Variants in KIAA1549 observed in about 807,000 individuals in gnomAD.
The protein encoded by KIAA1549 is UPF0606 protein KIAA1549.
Under a neutral mutation model 156.4 loss-of-function variants are expected in KIAA1549, and 70 were observed. The observed-to-expected ratio is 0.45, with a 90% CI of 0.37 to 0.55. The LOEUF is 0.55. KIAA1549 is among the 20% of genes least tolerant of loss of function. The pLI is 0.00. For missense variants in KIAA1549, 2,428 were observed against 2,540.9 expected (o/e 0.96, Z 0.96); for synonymous variants, 1,103 against 1,066.4 (o/e 1.03, Z -0.67).
At chr7:138,875,805 T>C (rs971214135) in intron 12 of KIAA1549, among the ~76,000 whole-genome samples, 2 of 152,112 alleles carry the variant, frequency 1.3e-5, no homozygotes, top group Non-Finnish European at 2.9e-5. Flanking sequence ...ACCACTTTTT[T>C]TGTCCCCCGA....
chr7:138,950,953 C>T (rs1813479311), intron 1 of KIAA1549, among the ~76,000 whole-genome samples: 1 of 152,002 alleles, frequency 6.6e-6, no homozygotes, highest in South Asian at 2.1e-4. Context: ...CCACCTCGCC[C>T]TCACCTCGGC....
Position 138,918,895 on chromosome 7 carries a change from G to T in KIAA1549, c.731C>A (p.Pro244Gln). The change falls in exon 2 of 20, where the codon CCA (proline) becomes CAA (glutamine). Residue 244 changes from proline to glutamine, a missense_variant. By Grantham distance (76) the Pro-to-Gln change is moderately conservative (BLOSUM62 -1). Around this residue, in one of 5 missense-constraint regions of KIAA1549, gnomAD observed 893 missense variants for 847.9 expected, o/e 1.05. Transcript: ENST00000422774. This position sits in a 1 kb window ranked among gnomAD's most constrained non-coding sequence, Gnocchi z 4.2. ...SAFRTSEGIV[P>Q]TPGRNLVLYP... ...AAGCACCAAATTCCTGCCAGGAGTT[G>T]GAACGATGCCCTCAGAGGTGCGAAA... 6.2e-7 allele frequency: 1 copy of T among 1,614,038 alleles called. No homozygotes were observed. The highest frequency in any genetic ancestry group is 8.5e-7 in the Non-Finnish European group (1 of 1,179,906).
At chr7:138,962,642 C>A (rs1813888782) in intron 1 of KIAA1549, among the ~76,000 whole-genome samples, 1 of 152,184 alleles carries the variant, frequency 6.6e-6, no homozygotes, top group South Asian at 2.1e-4. Flanking sequence ...CAGCCTCAGC[C>A]TTCCAGCCCA....
chr7:138,899,960 G>T (rs535479429), intron 8 of KIAA1549, among the ~76,000 whole-genome samples: 1 of 152,114 alleles, frequency 6.6e-6, no homozygotes, highest in Admixed American at 6.6e-5. Flanking sequence ...ATGCAACAAT[G>T]TGATTACCCC....
chr7:138,929,380 T>TGA (rs144868033), intron 1 of KIAA1549, among the ~76,000 whole-genome samples: 5,574 of 152,358 alleles, frequency 0.037, 128 homozygotes, highest in African/African-American at 0.049. Flanking sequence ...AGTTTGACCA[T>TGA]GAGTGCTGCA....
intron 1 of KIAA1549, among the ~76,000 whole-genome samples, chr7:138,946,171 T>C (rs1304953608): frequency 6.6e-6 from 1 of 151,276 alleles, no homozygotes. Flanking sequence ...AGTCGCATAA[T>C]ATATTATGTT....
intron 17 of KIAA1549, among the ~76,000 whole-genome samples, chr7:138,847,859 T>C (rs1173157243): frequency 6.6e-6 from 1 of 152,226 alleles, no homozygotes; most frequent in Admixed American, 6.5e-5. Flanking sequence ...AAATACTGAG[T>C]TGTCCAATCT....
At chr7:138,980,254 C>T (rs145500862) in intron 1 of KIAA1549, among the ~76,000 whole-genome samples, 1 of 152,354 alleles carries the variant, frequency 6.6e-6, no homozygotes, top group Non-Finnish European at 1.5e-5. Context: ...AGCTCAGAGA[C>T]GGTTTCCAGA....
At chr7:138,845,811 T>G (rs1210727238) in intron 17 of KIAA1549, among the ~76,000 whole-genome samples, 1 of 152,246 alleles carries the variant, frequency 6.6e-6, no homozygotes, top group Non-Finnish European at 1.5e-5. Context: ...AAGCTCATTT[T>G]ATCATTAGCA....
Position 138,906,953 on chromosome 7 carries a change from G to T in KIAA1549, c.3426C>A (p.Phe1142Leu), listed in dbSNP as rs1304142444. The change falls in exon 6 of 20, where the codon TTC becomes TTA. Residue 1142 changes from phenylalanine to leucine, a missense_variant. By Grantham distance (22) the Phe-to-Leu change is conservative. Transcript: ENST00000422774. ...LRNLSVVEFS[F>L]YLGYPVLQIA... ...TCTGCAGCACTGGGTATCCCAGATA[G>T]AAACTGAACTCCACCACACTCAAGT... 1 of 1,611,364 alleles carries T rather than the reference G, an allele frequency of 6.2e-7. No homozygotes were observed.
In KIAA1549 at chr7:138,883,089, T is replaced by TAAAAAAAAAAAAAAAAAAAAAAA. The variant is rs1201752539; in HGVS notation, c.4033-1528_4033-1506dup. ...CAACATGGTGAAACCCCATCTCCCC[T>TAAAAAAAAAAAAAAAAAAAAAAA]AAAAAAAAAAAAAAAAAAAAAAAAA... On this transcript the variant is annotated intron_variant, in intron 10 of 19. Coordinates refer to ENST00000422774, the MANE Select transcript of KIAA1549 (RefSeq NM_001164665.2). 2.1e-4 allele frequency among the ~76,000 whole-genome samples: 10 copies of TAAAAAAAAAAAAAAAAAAAAAAA among 47,076 alleles called. 5 individuals carry two copies. The highest frequency in any genetic ancestry group is 6.9e-4 in the African/African-American group (8 of 11,558). 30.9% of individuals were successfully genotyped at this position (47,076 alleles called of 152,430 possible). A position where few individuals can be genotyped will look rare whatever the true frequency, so the allele number is the denominator to read the frequency against.
intron 15 of KIAA1549, among the ~76,000 whole-genome samples, chr7:138,863,361 G>A (rs542963824): frequency 2.6e-5 from 4 of 151,974 alleles, no homozygotes; most frequent in Non-Finnish European, 5.9e-5. Flanking sequence ...GGATCAGTGA[G>A]TCTATTACAA....
chr7:138,907,060 G>T lies in KIAA1549; in HGVS notation c.3319C>A (p.Arg1107=). The T allele has an allele frequency of 6.2e-7, 1 of 1,611,546 alleles. No homozygotes were observed. Among genetic ancestry groups the T allele is most frequent in the Non-Finnish European group, 8.5e-7 (1 of 1,178,994 alleles). The change falls in exon 6 of 20, where the codon CGG becomes AGG. Residue 1107 remains arginine, a synonymous_variant. Coordinates refer to ENST00000422774, the MANE Select transcript of KIAA1549 (RefSeq NM_001164665.2). ...GCAAAGATGATATTCACCGGGCCCC[G>T]CCGAGGAGTCACCCTTGAGGAACTG... ...TISSSRVTPR[R]GPVNIIFAVK...
chr7:138,912,814 G>C (rs1812206743), intron 2 of KIAA1549, among the ~76,000 whole-genome samples: 1 of 152,106 alleles, frequency 6.6e-6, no homozygotes, highest in African/African-American at 2.4e-5. Context: ...ACAAATTCCA[G>C]GCTGTCTCTC....
chr7:138,863,376 A>C (rs959009641), intron 15 of KIAA1549, among the ~76,000 whole-genome samples: 2 of 152,028 alleles, frequency 1.3e-5, no homozygotes, highest in African/African-American at 4.8e-5. Flanking sequence ...TTACAAAGAC[A>C]AACTACTCTA....
intron 1 of KIAA1549, among the ~76,000 whole-genome samples, chr7:138,970,400 C>T (rs750597641): frequency 5.0e-4 from 76 of 152,242 alleles, no homozygotes; most frequent in Admixed American, 4.8e-3. Context: ...CAGCCAGGCA[C>T]CAGCTCAGCT....
intron 1 of KIAA1549, among the ~76,000 whole-genome samples, chr7:138,934,615 C>T (rs534287217): frequency 1.3e-5 from 2 of 152,242 alleles, no homozygotes; most frequent in Admixed American, 6.5e-5. Context: ...GCCGCATCCC[C>T]GCCCACCTGG....
At chr7:138,907,204 G>A (rs978748292) in intron 5 of KIAA1549, 102 bp from the exon 6 acceptor site, 2 of 1,002,634 alleles carry the variant, frequency 2.0e-6, no homozygotes, top group South Asian at 4.1e-5. Context: ...TTTTTTAAAG[G>A]AGGTAAAGTT....
chr7:138,948,625 A>G (rs1015617074), intron 1 of KIAA1549, among the ~76,000 whole-genome samples: 2 of 151,768 alleles, frequency 1.3e-5, no homozygotes, highest in South Asian at 2.1e-4. Context: ...CCTACAGCCA[A>G]GCAAAAGAGT....
Sources: gnomAD v4.1 joint callset for allele counts (sites outside exome capture counted in the v4.1 genomes callset) on GRCh38, gnomAD v4.1.1 for gene constraint, gnomAD v4.1.1 regional missense constraint, Gnocchi (gnomAD v3.1) non-coding constraint, MANE v1.5 for transcripts, NCBI Gene and HGNC (gene_info 2026-07-23, HGNC 2026-07-21) for gene names.